Variants in NEBL observed in about 807,000 individuals in gnomAD.
NEBL encodes nebulette.
A neutral mutation model predicts 140.2 loss-of-function variants in NEBL; 122 were observed. That is an observed-to-expected ratio of 0.87 (90% CI 0.75 to 1.01). The LOEUF is 1.01. Among genes scored for constraint, NEBL ranks in the 50% least tolerant of loss-of-function variants. The pLI is 0.00. For synonymous variants in NEBL, 436 were observed against 398.9 expected, an observed-to-expected ratio of 1.09 and a Z score of -1.11; for missense variants, 1,365 against 1,231.3, an observed-to-expected ratio of 1.11 and a Z score of -1.62.
chr10:21,229,148 C>T (rs890668946), intron 3 of NEBL, among the ~76,000 whole-genome samples: 2 of 152,174 alleles, frequency 1.3e-5, no homozygotes, highest in African/African-American at 2.4e-5. Context: ...AAGCCAGGTG[C>T]AATGGCTAAC....
At chr10:20,891,185 A>T (rs764583317) in intron 2 of NEBL, among the ~76,000 whole-genome samples, 9 of 152,240 alleles carry the variant, frequency 5.9e-5, no homozygotes, top group Non-Finnish European at 1.3e-4. Flanking sequence ...TCAAAATCCC[A>T]TATTTCACTG....
At chr10:21,084,532 G>C (rs779219357) in intron 2 of NEBL, among the ~76,000 whole-genome samples, 1 of 152,048 alleles carries the variant, frequency 6.6e-6, no homozygotes, top group Non-Finnish European at 1.5e-5. Flanking sequence ...AGGAGGCAGA[G>C]GTTGCAGTGA....
At chr10:20,962,530 G>C (rs947532573) in intron 3 of NEBL, among the ~76,000 whole-genome samples, 1 of 152,124 alleles carries the variant, frequency 6.6e-6, no homozygotes, top group Non-Finnish European at 1.5e-5. Flanking sequence ...CAACCCAATG[G>C]AGCTGAATTT....
intron 2 of NEBL, among the ~76,000 whole-genome samples, chr10:21,066,926 G>C (rs530553045): frequency 1.0e-4 from 15 of 150,120 alleles, no homozygotes; most frequent in African/African-American, 3.7e-4. Flanking sequence ...GAATACTTAG[G>C]ACACAAAAGA....
At position 21,053,145 on chromosome 10, in the gene NEBL, AAAAT is replaced by A. The variant is rs1564494012; in HGVS notation, c.165-32948_165-32945del. ...TACAAATATTATATCACGATAAATGAAAATAAATAAATACATAAAACTTTAAAAT... is the reference window on the plus strand; with the variant it reads ...TACAAATATTATATCACGATAAATGAAAATAAATACATAAAACTTTAAAAT... On this transcript the variant is annotated intron_variant, in intron 2 of 6. Coordinates refer to the NEBL transcript ENST00000417816. Among the ~76,000 whole-genome samples, 3 of 152,352 alleles carry A rather than the reference AAAAT, an allele frequency of 2.0e-5. No homozygotes were observed. In the South Asian group the frequency reaches 6.2e-4, roughly 32 times the overall value.
intron 4 of NEBL, among the ~76,000 whole-genome samples, chr10:20,927,407 G>A (rs755367061): frequency 1.3e-5 from 2 of 152,142 alleles, no homozygotes; most frequent in African/African-American, 2.4e-5. Flanking sequence ...GGTTCTTGTA[G>A]ATCTACTCCA....
intron 18 of NEBL, among the ~76,000 whole-genome samples, chr10:20,824,328 G>A (rs747375966): frequency 9.2e-5 from 14 of 152,150 alleles, no homozygotes; most frequent in Non-Finnish European, 1.9e-4. Context: ...CATGCAGACT[G>A]TCATAAAGAA....
intron 4 of NEBL, among the ~76,000 whole-genome samples, chr10:20,921,464 C>A (rs560212493): frequency 4.6e-5 from 7 of 152,210 alleles, no homozygotes; most frequent in African/African-American, 1.7e-4. Context: ...GGTATTTCTT[C>A]CTCACACCCT....
At chr10:20,939,084 A>G in intron 4 of NEBL, among the ~76,000 whole-genome samples, 1 of 152,184 alleles carries the variant, frequency 6.6e-6, no homozygotes, top group South Asian at 2.1e-4. Flanking sequence ...GGAAATACAG[A>G]GAACACCACA....
chr10:21,138,605 A>G (rs1301414208), intron 2 of NEBL, among the ~76,000 whole-genome samples: 1 of 152,138 alleles, frequency 6.6e-6, no homozygotes. Flanking sequence ...AATAATAAAC[A>G]TTATTTTAAA....
chr10:21,053,748 T>G (rs1458437743), intron 2 of NEBL, among the ~76,000 whole-genome samples: 1 of 152,114 alleles, frequency 6.6e-6, no homozygotes, highest in African/African-American at 2.4e-5. Context: ...GAAGTATGCC[T>G]AGGGCTGGGC....
intron 3 of NEBL, among the ~76,000 whole-genome samples, chr10:21,238,407 T>C (rs1564547910): frequency 6.6e-6 from 1 of 152,066 alleles, no homozygotes; most frequent in Non-Finnish European, 1.5e-5. Context: ...CCTTTAAAGT[T>C]AAGAAAGTTG....
intron 1 of NEBL, among the ~76,000 whole-genome samples, chr10:21,265,186 G>A (rs924742609): frequency 6.6e-6 from 1 of 152,048 alleles, no homozygotes. Flanking sequence ...GCCTCCCAAA[G>A]TGCTGGGATT....
In NEBL at chr10:20,785,054, T is replaced by C. The variant is rs1835293526; in HGVS notation, c.*693A>G. On this transcript the variant is annotated 3_prime_UTR_variant, in exon 28 of 28. Coordinates refer to ENST00000377122, the MANE Select transcript of NEBL (RefSeq NM_006393.3). ...GCCCTTTGCAGAGTAGCTGTGAAGT[T>C]ATTTGGTCCTGACATTCTGTGGAAC... 6.5e-6 allele frequency: 1 copy of C among 153,074 alleles called. No individual in the cohort carries two copies. The highest frequency in any genetic ancestry group is 2.4e-5 in the African/African-American group (1 of 41,448). The allele number at this position is 153,074 out of a possible 1,614,324, so 9.5% of individuals were successfully genotyped here. A position where few individuals can be genotyped will look rare whatever the true frequency, so the allele number is the denominator to read the frequency against.
chr10:20,986,450 C>T (rs1837261924), intron 3 of NEBL, among the ~76,000 whole-genome samples: 1 of 152,202 alleles, frequency 6.6e-6, no homozygotes, highest in East Asian at 1.9e-4. Flanking sequence ...AACTGAGCAA[C>T]TTAATGCCTA....
At chr10:21,113,304 A>AAAAAAAAAAAAAAAAC in intron 2 of NEBL, 2 of 337,042 alleles carry the variant, frequency 5.9e-6, no homozygotes, top group South Asian at 5.5e-5. Flanking sequence ...AAAAAAAAAA[A>AAAAAAAAAAAAAAAAC]AACCAGGAAA....
At chr10:21,111,989 A>G (rs1032861232) in intron 2 of NEBL, among the ~76,000 whole-genome samples, 2 of 152,270 alleles carry the variant, frequency 1.3e-5, no homozygotes, top group Non-Finnish European at 2.9e-5. Flanking sequence ...ACATGAAAAA[A>G]TGCTCATCAT....
At chr10:21,199,262 G>A (rs1589325877) in intron 3 of NEBL, among the ~76,000 whole-genome samples, 1 of 152,058 alleles carries the variant, frequency 6.6e-6, no homozygotes, top group South Asian at 2.1e-4. Context: ...CAAATTCTTG[G>A]ACTGAAGCCA....
At chr10:21,149,047 T>G (rs1840031001) in intron 2 of NEBL, among the ~76,000 whole-genome samples, 2 of 152,346 alleles carry the variant, frequency 1.3e-5, no homozygotes, top group South Asian at 4.1e-4. Context: ...CGGGACTGGC[T>G]GGGTTTCCCC....
Sources: allele counts gnomAD v4.1 joint callset (sites outside exome capture counted in the v4.1 genomes callset), GRCh38; gene constraint gnomAD v4.1.1; transcripts MANE v1.5; gene names NCBI Gene and HGNC (gene_info 2026-07-23, HGNC 2026-07-21).